PKD2L2: variants seen among roughly 807,000 people sequenced by gnomAD.
The protein encoded by PKD2L2 is polycystin 2 like 2, transient receptor potential cation channel.
In PKD2L2, 67 loss-of-function variants were observed where a neutral mutation model predicts 83.9. The ratio of observed to expected loss-of-function variants is 0.80; its 90% CI spans 0.66 to 0.98. The LOEUF (loss-of-function observed/expected upper bound fraction) is 0.98, where lower values mean the gene tolerates loss of function less well. PKD2L2 is among the 50% of genes least tolerant of loss of function. The probability of loss-of-function intolerance (pLI) is 0.00; values close to 1 mark genes in which losing one functional copy is unlikely to be tolerated. For synonymous variants in PKD2L2, 223 were observed against 237.8 expected (o/e 0.94, Z 0.57); for missense variants, 632 against 717.2 (o/e 0.88, Z 1.36).
intron 2 of PKD2L2, among the ~76,000 whole-genome samples, 165 bp downstream of exon 2, chr5:137,890,747 C>A (rs1252327163): frequency 6.6e-6 from 1 of 152,168 alleles, no homozygotes. Context: ...AGATTCATTT[C>A]ATTTAGAAAT....
At chr5:137,940,235 T>G (rs749076709) in intron 14 of PKD2L2, 1 of 1,614,018 alleles carries the variant, frequency 6.2e-7, no homozygotes, top group Non-Finnish European at 8.5e-7. Flanking sequence ...TTATATGGAT[T>G]TTGAAGAATC....
intron 8 of PKD2L2, among the ~76,000 whole-genome samples, chr5:137,910,778 CA>C (rs762998794): frequency 1.3e-4 from 10 of 74,216 alleles, no homozygotes; most frequent in Admixed American, 4.6e-4. Flanking sequence ...GACTCTGTCT[CA>C]AAAAAAAAAG....
At chr5:137,934,252 T>C (rs1301763885) in intron 12 of PKD2L2, among the ~76,000 whole-genome samples, 1 of 152,138 alleles carries the variant, frequency 6.6e-6, no homozygotes, top group Admixed American at 6.6e-5. Flanking sequence ...TGAGGAAAGG[T>C]ACCACTTTCC....
At chr5:137,893,959 G>A (rs116342634) in intron 3 of PKD2L2, among the ~76,000 whole-genome samples, 1,663 of 152,310 alleles carry the variant, frequency 0.011, 28 homozygotes, top group African/African-American at 0.038. Flanking sequence ...CCAGAGCCAG[G>A]AGTAGCAGGC....
intron 8 of PKD2L2, among the ~76,000 whole-genome samples, chr5:137,916,475 C>CTTTTTTTTTT (rs1169529107): frequency 3.1e-4 from 29 of 93,178 alleles, no homozygotes; most frequent in Non-Finnish European, 3.6e-4. Flanking sequence ...CACTTTTCTT[C>CTTTTTTTTTT]TTTTTTTTTT....
intron 14 of PKD2L2, among the ~76,000 whole-genome samples, chr5:137,937,066 TAC>T (rs1175527061): frequency 1.3e-5 from 2 of 152,236 alleles, no homozygotes; most frequent in African/African-American, 4.8e-5. Context: ...TTCTCATAGT[TAC>T]AGAGTAGAAA....
chr5:137,928,412 A>C (rs1257129870), intron 12 of PKD2L2, among the ~76,000 whole-genome samples: 1 of 151,910 alleles, frequency 6.6e-6, no homozygotes, highest in Non-Finnish European at 1.5e-5. Flanking sequence ...AAGTTAAAGA[A>C]TATCATTTAG....
chr5:137,906,140 T>C (rs935796182), intron 5 of PKD2L2, 66 bp from the exon 6 acceptor site: 2 of 894,514 alleles, frequency 2.2e-6, no homozygotes, highest in African/African-American at 3.4e-5. Context: ...ATTGAAAATT[T>C]CACATTAAGT....
intron 8 of PKD2L2, among the ~76,000 whole-genome samples, chr5:137,913,177 CT>C (rs1348307368): frequency 1.6e-5 from 2 of 125,204 alleles, no homozygotes; most frequent in Non-Finnish European, 3.3e-5. Context: ...GCCCAGCCTT[CT>C]TTTTTCTTTT....
At chr5:137,914,857 A>AT (rs1409389505) in intron 8 of PKD2L2, among the ~76,000 whole-genome samples, 7 of 152,020 alleles carry the variant, frequency 4.6e-5, no homozygotes, top group Non-Finnish European at 8.8e-5. Context: ...GATTATCAAA[A>AT]TTTTTTCTGC....
At chr5:137,942,299 A>G (rs1762092080) in intron 14 of PKD2L2, 85 bp from the exon 15 acceptor site, 2 of 449,828 alleles carry the variant, frequency 4.4e-6, no homozygotes, top group South Asian at 4.3e-5. Context: ...AAGTGGATAT[A>G]GAACAAAAAG....
intron 5 of PKD2L2, 51 bp downstream of exon 5, chr5:137,899,788 ACTT>A: frequency 1.0e-6 from 1 of 979,440 alleles, no homozygotes; most frequent in Non-Finnish European, 1.6e-6. Flanking sequence ...GGCCTACAAA[ACTT>A]CTTTATTAGT....
chr5:137,916,688 C>G (rs1024975026), intron 8 of PKD2L2, among the ~76,000 whole-genome samples: 3 of 151,782 alleles, frequency 2.0e-5, no homozygotes, highest in Non-Finnish European at 4.4e-5. Flanking sequence ...CCATGTTAAC[C>G]AGGCTGGTCT....
chr5:137,915,187 G>A (rs1758211818), intron 8 of PKD2L2, among the ~76,000 whole-genome samples: 2 of 151,984 alleles, frequency 1.3e-5, no homozygotes, highest in African/African-American at 4.8e-5. Flanking sequence ...AGAGTTCGAA[G>A]ATTGGCATTA....
chr5:137,899,107 T>G (rs1214035356), intron 4 of PKD2L2, among the ~76,000 whole-genome samples: 2 of 152,194 alleles, frequency 1.3e-5, no homozygotes, highest in Non-Finnish European at 2.9e-5. Flanking sequence ...GTTTTGGTTT[T>G]TTGTTTGTTT....
intron 4 of PKD2L2, among the ~76,000 whole-genome samples, chr5:137,896,110 C>G (rs111825787): frequency 0.22 from 33,364 of 150,214 alleles, 4,211 homozygotes; most frequent in African/African-American, 0.35. Context: ...CCAGGAGGCA[C>G]AGGTTGCATT....
chr5:137,900,860 A>G (rs1205953271), intron 5 of PKD2L2, among the ~76,000 whole-genome samples: 3 of 152,220 alleles, frequency 2.0e-5, no homozygotes, highest in Non-Finnish European at 4.4e-5. Flanking sequence ...AAAGTCAGCC[A>G]GGCACGGTGG....
intron 2 of PKD2L2, among the ~76,000 whole-genome samples, chr5:137,891,617 AT>A (rs1405906256): frequency 6.6e-6 from 1 of 152,204 alleles, no homozygotes; most frequent in Non-Finnish European, 1.5e-5. Context: ...TTATAATCCC[AT>A]TATTCAGAGA....
chr5:137,918,204 C>T (rs2150039226), intron 8 of PKD2L2, among the ~76,000 whole-genome samples: 1 of 152,186 alleles, frequency 6.6e-6, no homozygotes. Flanking sequence ...CAAGGATCAC[C>T]CTGAGTTGTG....
Sources: allele counts gnomAD v4.1 joint callset (sites outside exome capture counted in the v4.1 genomes callset), GRCh38; gene constraint gnomAD v4.1.1; transcripts MANE v1.5; gene names NCBI Gene and HGNC (gene_info 2026-07-23, HGNC 2026-07-21).